Variants in FGF13 observed in about 807,000 individuals in gnomAD.
FGF13 encodes the protein fibroblast growth factor 13.
A neutral mutation model predicts 19.5 loss-of-function variants in FGF13; 2 were observed. The ratio of observed to expected loss-of-function variants is 0.10; its 90% confidence interval spans 0.04 to 0.32. The LOEUF (loss-of-function observed/expected upper bound fraction) is 0.32. Among genes scored for constraint, FGF13 ranks in the 10% least tolerant of loss-of-function variants. The probability of loss-of-function intolerance (pLI) is 1.00; values close to 1 mark genes in which losing one functional copy is unlikely to be tolerated. For synonymous variants in FGF13, 72 were observed against 76.9 expected (o/e 0.94, Z 0.33); for missense variants, 113 against 192.7 (o/e 0.59, Z 2.45).
intron 1 of FGF13, among the ~76,000 whole-genome samples, chrX:139,071,277 A>G (rs1237939004): frequency 9.0e-6 from 1 of 111,446 alleles, no homozygotes; most frequent in African/African-American, 3.3e-5. Context: ...CTACCATTTT[A>G]TTGACAATTT....
chrX:139,025,580 A>G (rs1042960846), intron 1 of FGF13, among the ~76,000 whole-genome samples: 1 of 111,466 alleles, frequency 9.0e-6, no homozygotes, highest in Non-Finnish European at 1.9e-5. Flanking sequence ...TTGGTCTTCA[A>G]GTCCCTTCCT....
intron 3 of FGF13, among the ~76,000 whole-genome samples, chrX:138,838,392 G>A (rs1315626209): frequency 1.8e-5 from 2 of 111,877 alleles, no homozygotes; most frequent in Non-Finnish European, 3.8e-5. Context: ...CAGAAACTCC[G>A]TGTAGCTCTG....
At chrX:138,911,685 C>A (rs1277612449) in intron 1 of FGF13, among the ~76,000 whole-genome samples, 3 of 111,916 alleles carry the variant, frequency 2.7e-5, no homozygotes, top group Non-Finnish European at 5.6e-5. Flanking sequence ...GTTCTCCCAA[C>A]ATGCAAGGGC....
intron 3 of FGF13, among the ~76,000 whole-genome samples, chrX:138,753,028 T>C (rs917113342): frequency 1.8e-5 from 2 of 111,799 alleles, no homozygotes; most frequent in Non-Finnish European, 3.8e-5. Flanking sequence ...ATAGTTTCAA[T>C]TTTTGCACAC....
rs1343350113 is a variant in FGF13, at chrX:138,984,479, G to A, written c.-112-119829C>T. Among the ~76,000 whole-genome samples the A allele has an allele frequency of 6.2e-5, 5 of 80,598 alleles. 1 individual carries two copies. Among genetic ancestry groups the A allele is most frequent in the Admixed American group, 5.9e-4 (4 of 6,785 alleles). The allele number at this position is 80,598 out of a possible 115,157, so 70.0% of individuals were successfully genotyped here. A position where few individuals can be genotyped will look rare whatever the true frequency, so the allele number is the denominator to read the frequency against. On this transcript the variant is annotated intron_variant, in intron 1 of 2. Coordinates refer to the FGF13 transcript ENST00000421460. ...AAGAGGAGAAGGAGAAGAAGGAGAA[G>A]GAGAAGAAGGAGAAGGAGAAGGAGA... is the stretch of plus-strand genomic sequence containing the variant.
chrX:138,791,788 G>T (rs182699304), intron 3 of FGF13, among the ~76,000 whole-genome samples: 1 of 111,660 alleles, frequency 9.0e-6, no homozygotes, highest in Non-Finnish European at 1.9e-5. Context: ...ATTTTAAAAG[G>T]TTCATTTGTT....
In FGF13 at chrX:138,627,720, TGAC is replaced by T. The variant is rs1374922431; in HGVS notation, c.*5127_*5129del. ...ACTAATATAAAATGAGAAACTGAAT[TGAC>T]ATTTGGTTAGTTTACAATTCTAAAA... is the stretch of plus-strand genomic sequence containing the variant. On this transcript the variant is annotated 3_prime_UTR_variant, in exon 5 of 5. Coordinates refer to ENST00000315930, the MANE Select transcript of FGF13 (RefSeq NM_004114.5). The T allele has an allele frequency of 2.8e-5, 3 of 109,055 alleles. No individual in the cohort carries two copies. The highest frequency in any genetic ancestry group is 1.9e-5 in the Non-Finnish European group (1 of 52,649). 9.0% of individuals were successfully genotyped at this position (109,055 alleles called of 1,213,427 possible). A position where few individuals can be genotyped will look rare whatever the true frequency, so the allele number is the denominator to read the frequency against.
chrX:138,979,025 T>C (rs1284886546), intron 1 of FGF13, among the ~76,000 whole-genome samples: 3 of 112,411 alleles, frequency 2.7e-5, no homozygotes, highest in East Asian at 2.8e-4. Flanking sequence ...GGTTTTTGAA[T>C]GAAGACTTGT....
At chrX:139,198,726 C>T (rs1401355606) in intron 1 of FGF13, among the ~76,000 whole-genome samples, 1 of 110,861 alleles carries the variant, frequency 9.0e-6, no homozygotes, top group Non-Finnish European at 1.9e-5. Context: ...AATAACCCCT[C>T]CCCCACCATT....
At chrX:138,956,589 G>A (rs2091842308) in intron 1 of FGF13, among the ~76,000 whole-genome samples, 1 of 110,528 alleles carries the variant, frequency 9.0e-6, no homozygotes, top group African/African-American at 3.3e-5. Flanking sequence ...TGCTCTTTTT[G>A]GATCAATTTT....
At chrX:138,922,373 T>C (rs2091651346) in intron 1 of FGF13, among the ~76,000 whole-genome samples, 1 of 111,415 alleles carries the variant, frequency 9.0e-6, no homozygotes, top group South Asian at 3.8e-4. Flanking sequence ...TGGGGAAAGG[T>C]ATGGTGAGTT....
At chrX:138,936,916 G>A (rs1342524534) in intron 1 of FGF13, among the ~76,000 whole-genome samples, 1 of 111,685 alleles carries the variant, frequency 9.0e-6, no homozygotes, top group Non-Finnish European at 1.9e-5. Context: ...TTAAAGGTCT[G>A]GGCATATGTG....
chrX:139,114,675 A>G (rs1348375314), intron 1 of FGF13, among the ~76,000 whole-genome samples: 1 of 112,100 alleles, frequency 8.9e-6, no homozygotes, highest in Non-Finnish European at 1.9e-5. Flanking sequence ...ACTGAGCACA[A>G]TAAAAATCCA....
chrX:139,196,835 T>C (rs1237506603), intron 1 of FGF13, among the ~76,000 whole-genome samples: 1 of 112,270 alleles, frequency 8.9e-6, no homozygotes, highest in Non-Finnish European at 1.9e-5. Context: ...TACATTGTTA[T>C]GAAGATTTCA....
At chrX:138,735,722 A>C (rs1319383720) in intron 1 of FGF13, among the ~76,000 whole-genome samples, 1 of 112,438 alleles carries the variant, frequency 8.9e-6, no homozygotes. Flanking sequence ...CAAATGAGGC[A>C]TTATTACATT....
intron 3 of FGF13, among the ~76,000 whole-genome samples, chrX:138,848,444 G>T (rs150523776): frequency 0.01 from 1,137 of 110,490 alleles, 7 homozygotes; most frequent in Non-Finnish European, 0.015. Context: ...CACTTAGATA[G>T]ATTTTAAAAA....
intron 1 of FGF13, among the ~76,000 whole-genome samples, chrX:139,149,400 T>C (rs894046415): frequency 8.9e-6 from 1 of 112,453 alleles, no homozygotes; most frequent in Non-Finnish European, 1.9e-5. Context: ...TAAATGTACA[T>C]AGGAACCTAA....
chrX:139,070,125 A>G (rs1214147495), intron 1 of FGF13, among the ~76,000 whole-genome samples: 2 of 112,170 alleles, frequency 1.8e-5, no homozygotes, highest in Non-Finnish European at 3.8e-5. Context: ...GCCAAAATTG[A>G]CAAGTGGGAT....
chrX:138,824,670 CAAAT>C (rs2091021901), intron 3 of FGF13, among the ~76,000 whole-genome samples: 10 of 110,954 alleles, frequency 9.0e-5, no homozygotes, highest in Admixed American at 4.8e-4. Context: ...AAATACAGGC[CAAAT>C]TTTACTAAAT....
Sources: gnomAD v4.1 joint callset for allele counts (sites outside exome capture counted in the v4.1 genomes callset) on GRCh38, gnomAD v4.1.1 for gene constraint, MANE v1.5 for transcripts, NCBI Gene and HGNC (gene_info 2026-07-23, HGNC 2026-07-21) for gene names.